HK2: variants seen among roughly 807,000 people sequenced by gnomAD.
HK2 encodes the protein hexokinase-2.
Under a neutral mutation model 92.9 loss-of-function variants are expected in HK2, and 42 were observed. The ratio of observed to expected loss-of-function variants is 0.45; its 90% confidence interval spans 0.35 to 0.58. The LOEUF (loss-of-function observed/expected upper bound fraction) is 0.58, where lower values mean the gene tolerates loss of function less well. HK2 is among the 20% of genes least tolerant of loss of function. HK2 has a pLI of 0.00. For synonymous variants in HK2, 422 were observed against 468.0 expected (o/e 0.90, Z 1.27); for missense variants, 978 against 1,245.1 (o/e 0.79, Z 3.23).
chr2:74,862,502 G>A (rs546771161), intron 2 of HK2, among the ~76,000 whole-genome samples: 146 of 152,298 alleles, frequency 9.6e-4, no homozygotes, highest in African/African-American at 3.4e-3. Context: ...TAGAGATATC[G>A]GGCCATATAA....
intron 5 of HK2, 110 bp from the exon 6 acceptor site, chr2:74,873,734 G>GGA (rs1458234979): frequency 9.8e-6 from 7 of 715,206 alleles, no homozygotes; most frequent in Non-Finnish European, 1.2e-5. Flanking sequence ...GAGGGAGGGG[G>GGA]GAGAGAGAGA....
At chr2:74,845,571 C>T (rs1203666787) in intron 1 of HK2, among the ~76,000 whole-genome samples, 1 of 152,260 alleles carries the variant, frequency 6.6e-6, no homozygotes, top group Non-Finnish European at 1.5e-5. Context: ...CTCACAACCG[C>T]TGCAACAGGA....
At chr2:74,845,631 G>A (rs998659903) in intron 1 of HK2, among the ~76,000 whole-genome samples, 1 of 152,238 alleles carries the variant, frequency 6.6e-6, no homozygotes, top group Non-Finnish European at 1.5e-5. Context: ...GCGCTTACCC[G>A]CTGCCTCGGG....
rs1688099472 is a variant in HK2 at position 74,834,479 on chromosome 2, G to C, written c.-102G>C. ...CGTCCGGACTCCCAGCTCCCGGCCC[G>C]GCAGCCGAGCCCCAGCACAAAGCAG... On this transcript the variant is annotated 5_prime_UTR_variant, in exon 1 of 18. Transcript: ENST00000290573. The surrounding 1 kb of genome is among the most constrained non-coding windows in gnomAD (Gnocchi z 4.2). The C allele has an allele frequency of 1.7e-6, 2 of 1,210,354 alleles. No individual in the cohort carries two copies. Among genetic ancestry groups the C allele is most frequent in the East Asian group, 2.4e-5 (1 of 41,066 alleles). The allele number at this position is 1,210,354 out of a possible 1,614,324, so 75.0% of individuals were successfully genotyped here. A position where few individuals can be genotyped will look rare whatever the true frequency, so the allele number is the denominator to read the frequency against.
At chr2:74,870,001 C>CTTTT (rs66946936) in intron 3 of HK2, among the ~76,000 whole-genome samples, 44 of 121,454 alleles carry the variant, frequency 3.6e-4, no homozygotes, top group African/African-American at 1.2e-3. Context: ...CTTTTCTTTT[C>CTTTT]TTTTTTTTTT....
intron 2 of HK2, among the ~76,000 whole-genome samples, chr2:74,859,330 A>G (rs577317868): frequency 6.6e-6 from 1 of 152,290 alleles, no homozygotes; most frequent in South Asian, 2.1e-4. Context: ...TATTTGCTGT[A>G]TTTTCTTGTG....
At chr2:74,860,930 A>G (rs1013820516) in intron 2 of HK2, among the ~76,000 whole-genome samples, 2 of 151,946 alleles carry the variant, frequency 1.3e-5, no homozygotes, top group Non-Finnish European at 2.9e-5. Flanking sequence ...TCTTTTTTTC[A>G]GTGGAGAGTT....
chr2:74,860,534 T>C lies in HK2; in HGVS notation c.226+6079T>C, dbSNP rs533395244. ...ACACAGTATTTGTTTTTTATGCAAG[T>C]CTTTTTTTATTTGTCATAATGTGGG... On this transcript the variant is annotated intron_variant, in intron 2 of 17. Coordinates refer to ENST00000290573, the MANE Select transcript of HK2 (RefSeq NM_000189.5). Among the ~76,000 whole-genome samples, 5 of 152,314 alleles carry C rather than the reference T, an allele frequency of 3.3e-5. No individual in the cohort carries two copies. In the East Asian group the frequency reaches 7.7e-4, roughly 24 times the overall value.
At chr2:74,867,940 G>A in intron 3 of HK2, 156 bp downstream of exon 3, 1 of 830,038 alleles carries the variant, frequency 1.2e-6, no homozygotes, top group East Asian at 2.5e-5. Flanking sequence ...CTCAGCCGGA[G>A]CTCAGGCTGT....
intron 13 of HK2, 133 bp from the exon 14 acceptor site, chr2:74,886,161 C>T (rs1573391677): frequency 1.3e-6 from 1 of 772,614 alleles, no homozygotes; most frequent in Non-Finnish European, 2.3e-6. Flanking sequence ...TAAGCACAGA[C>T]CTGAATGGAA....
intron 1 of HK2, among the ~76,000 whole-genome samples, chr2:74,844,608 C>T (rs901320579): frequency 3.3e-5 from 5 of 152,198 alleles, no homozygotes; most frequent in Non-Finnish European, 7.3e-5. Flanking sequence ...GGACCGCTGG[C>T]AGCAGACAGG....
intron 2 of HK2, among the ~76,000 whole-genome samples, chr2:74,859,513 T>C (rs944975205): frequency 2.6e-5 from 4 of 152,148 alleles, no homozygotes; most frequent in Admixed American, 1.3e-4. Context: ...GGTGAAACCC[T>C]GTCTCTACTA....
At chr2:74,883,361 C>T (rs375623303) in intron 12 of HK2, among the ~76,000 whole-genome samples, 4 of 152,124 alleles carry the variant, frequency 2.6e-5, no homozygotes, top group Admixed American at 6.5e-5. Flanking sequence ...GATGTTAATC[C>T]GAGTGCATAC....
rs557821255 is a variant in HK2 at position 74,880,298 on chromosome 2, G to T, written c.1299G>T (p.Arg433=). 4.2e-4 allele frequency: 679 copies of T among 1,614,174 alleles called. 7 individuals are homozygous for T. In the South Asian group the frequency reaches 7.0e-3, roughly 17 times the overall value. ...AGCGTCTACATAAGACCGTGCGGCG[G>T]CTGGTGCCCGGCTGCGATGTCCGCT... ...FAKRLHKTVR[R]LVPGCDVRFL... Residue 433 remains arginine, a synonymous_variant, in exon 10 of 18, where the codon CGG becomes CGT. Transcript: ENST00000290573.
intron 7 of HK2, 123 bp downstream of exon 7, chr2:74,874,572 C>A: frequency 1.1e-6 from 1 of 894,150 alleles, no homozygotes; most frequent in African/African-American, 1.7e-5. Context: ...AAGGTGGCCA[C>A]TGGTCATAGG....
chr2:74,882,551 C>T (rs1364491743), intron 12 of HK2, among the ~76,000 whole-genome samples: 1 of 137,076 alleles, frequency 7.3e-6, no homozygotes, highest in Non-Finnish European at 1.6e-5. Context: ...TTACTTGAGG[C>T]CAGGATTTCA....
chr2:74,881,617 A>G (rs2306805), intron 10 of HK2, 94 bp from the exon 11 acceptor site: 224,001 of 1,262,928 alleles, frequency 0.18, 20,477 homozygotes, highest in Middle Eastern at 0.2. Flanking sequence ...ATTTGATGGA[A>G]CAGGAATGGT....
chr2:74,861,185 T>C (rs879393266), intron 2 of HK2, among the ~76,000 whole-genome samples: 1 of 152,098 alleles, frequency 6.6e-6, no homozygotes, highest in East Asian at 1.9e-4. Context: ...CCTAACACTT[T>C]GGGAGGCCAA....
In HK2 at chr2:74,854,272, CTT is replaced by C; in HGVS notation, c.64-20_64-19del. 3 of 1,611,558 alleles carry C rather than the reference CTT, an allele frequency of 1.9e-6. No individual in the cohort carries two copies. The highest frequency in any genetic ancestry group is 1.1e-5 in the South Asian group (1 of 90,966). ...ATTTATTTAACCAGTGGTTTCTGCTCTTGTCTTCCTCCTTTTTCAGGTTGACC... is the reference window on the plus strand; with the variant it reads ...ATTTATTTAACCAGTGGTTTCTGCTCGTCTTCCTCCTTTTTCAGGTTGACC... On this transcript the variant is annotated intron_variant, in intron 1 of 17. Transcript: ENST00000290573.
Sources: gnomAD v4.1 joint callset for allele counts (sites outside exome capture counted in the v4.1 genomes callset) on GRCh38, gnomAD v4.1.1 for gene constraint, Gnocchi (gnomAD v3.1) non-coding constraint, MANE v1.5 for transcripts, NCBI Gene and HGNC (gene_info 2026-07-23, HGNC 2026-07-21) for gene names.